CCNJ: variants seen among roughly 807,000 people sequenced by gnomAD.
The protein encoded by CCNJ is cyclin J, also known as cyclin-J.
In CCNJ, 12 loss-of-function variants were observed where a neutral mutation model predicts 41.4. The ratio of observed to expected loss-of-function variants is 0.29; its 90% CI spans 0.19 to 0.47. The LOEUF is 0.47. Ranked by LOEUF, CCNJ falls within the 20% of genes least tolerant of loss-of-function variation. The probability of loss-of-function intolerance (pLI) is 1.00; values close to 1 mark genes in which losing one functional copy is unlikely to be tolerated. For synonymous variants in CCNJ, 161 were observed against 173.4 expected, an observed-to-expected ratio of 0.93 and a Z score of 0.56; for missense variants, 340 against 464.6, an observed-to-expected ratio of 0.73 and a Z score of 2.47.
rs1247207023 is a variant in CCNJ, at chr10:96,058,271, C to T, written c.*30C>T. ...TTGTGAAGCTGATAACCGACCCAGA[C>T]TGCTTTGTGACATGAAGCTATGGGT... is the stretch of plus-strand genomic sequence containing the variant. On this transcript the variant is annotated 3_prime_UTR_variant, in exon 6 of 6. Coordinates refer to ENST00000465148, the MANE Select transcript of CCNJ (RefSeq NM_001134375.2). 2 of 1,584,436 alleles carry T rather than the reference C, an allele frequency of 1.3e-6. No homozygotes were observed. The highest frequency in any genetic ancestry group is 1.7e-6 in the Non-Finnish European group (2 of 1,162,140).
chr10:96,056,822 A>G lies in CCNJ; in HGVS notation c.402A>G (p.Leu134=). ...KQNLLHMELL[L]LETFQWNLCL... Reference sequence around the variant, plus strand: ...ATTTGCTACATATGGAACTATTATTATTAGAAACCTTTCAGTGGAACCTCT... The same window carrying G: ...ATTTGCTACATATGGAACTATTATTGTTAGAAACCTTTCAGTGGAACCTCT... Residue 134 remains leucine, a synonymous_variant, in exon 4 of 6, where the codon TTA becomes TTG. Transcript: ENST00000465148. 6.2e-7 allele frequency: 1 copy of G among 1,614,164 alleles called. No homozygotes were observed. The highest frequency in any genetic ancestry group is 1.1e-5 in the South Asian group (1 of 91,084).
At position 96,050,308 on chromosome 10, in the gene CCNJ, G is replaced by A. The variant is rs1564703433; in HGVS notation, c.122G>A (p.Arg41Gln). The change falls in exon 3 of 6, where the codon CGG becomes CAG. Residue 41 changes from arginine to glutamine, a missense_variant. Coordinates refer to ENST00000465148, the MANE Select transcript of CCNJ (RefSeq NM_001134375.2). The stretch of plus-strand genomic sequence containing the variant: ...CAGTCCCCTCAGTTAAGTCTCAGAC[G>A]GTATTTTGCTGACTTGATTGCCATT... Reference protein sequence around the residue: ...KGQSPQLSLRRYFADLIAIVS... With the variant: ...KGQSPQLSLRQYFADLIAIVS... 1.2e-6 allele frequency: 2 copies of A among 1,614,012 alleles called. No individual in the cohort carries two copies. The highest frequency in any genetic ancestry group is 1.7e-6 in the Non-Finnish European group (2 of 1,179,982).
In CCNJ at chr10:96,043,595, C is replaced by T. The variant is rs1029453349; in HGVS notation, c.-166C>T. ...CTGCCGGTCCTTTAACAATGGGCGG[C>T]GCGAGCGTCCAGGCGCTGGGCTCTA... On this transcript the variant is annotated 5_prime_UTR_variant, in exon 1 of 6. Coordinates refer to ENST00000465148, the MANE Select transcript of CCNJ (RefSeq NM_001134375.2). The T allele has an allele frequency of 5.1e-6, 2 of 395,126 alleles. No individual in the cohort carries two copies. Among genetic ancestry groups the T allele is most frequent in the East Asian group, 7.2e-5 (2 of 27,872 alleles). The allele number at this position is 395,126 out of a possible 1,614,324, so 24.5% of individuals were successfully genotyped here.
intron 3 of CCNJ, among the ~76,000 whole-genome samples, chr10:96,054,368 T>C (rs1042099870): frequency 5.3e-5 from 8 of 152,210 alleles, no homozygotes; most frequent in Admixed American, 2.0e-4. Flanking sequence ...AGGTACTCAA[T>C]TGACATTATC....
In CCNJ at chr10:96,043,645, A is replaced by G. The variant is rs894609126; in HGVS notation, c.-116A>G. ...AGCTGAGGCCGGCGCTTAGCGGCCC[A>G]CTGTCCGCAGCATGAGCGGGGCCGG... On this transcript the variant is annotated 5_prime_UTR_variant, in exon 1 of 6. Coordinates refer to ENST00000465148, the MANE Select transcript of CCNJ (RefSeq NM_001134375.2). 5.1e-6 allele frequency: 2 copies of G among 394,810 alleles called. No individual in the cohort carries two copies. Among genetic ancestry groups the G allele is most frequent in the Non-Finnish European group, 8.9e-6 (2 of 223,522 alleles). The allele number at this position is 394,810 out of a possible 1,614,324, so 24.5% of individuals were successfully genotyped here. A position where few individuals can be genotyped will look rare whatever the true frequency, so the allele number is the denominator to read the frequency against.
In CCNJ at chr10:96,057,013, G is replaced by T; in HGVS notation, c.580+13G>T. 2 of 1,612,968 alleles carry T rather than the reference G, an allele frequency of 1.2e-6. No homozygotes were observed. The highest frequency in any genetic ancestry group is 1.7e-6 in the Non-Finnish European group (2 of 1,179,156). On this transcript the variant is annotated intron_variant, in intron 4 of 5. Coordinates refer to ENST00000465148, the MANE Select transcript of CCNJ (RefSeq NM_001134375.2). ...GTATCTTTGCAAGGTGGGTTGTTGTGAATACCAGTAAGTGACTTGTGCACT... is the reference window on the plus strand; with the variant it reads ...GTATCTTTGCAAGGTGGGTTGTTGTTAATACCAGTAAGTGACTTGTGCACT...
In CCNJ at chr10:96,057,203, C is replaced by G. The variant is rs2080719110; in HGVS notation, c.696C>G (p.Ala232=). The change falls in exon 5 of 6, where the codon GCC becomes GCG. Residue 232 remains alanine (A), a synonymous_variant. Transcript: ENST00000465148. ...TWPTRLHRLT[A]YSWDFLVQCI... is the part of the protein sequence containing the mutation. ...CTACAAGACTACATCGTCTTACTGCCTACTCTTGGGATTTCTTAGTGCAGT... is the reference window on the plus strand; with the variant it reads ...CTACAAGACTACATCGTCTTACTGCGTACTCTTGGGATTTCTTAGTGCAGT... The G allele has an allele frequency of 6.2e-7, 1 of 1,613,812 alleles. No individual in the cohort carries two copies. Among genetic ancestry groups the G allele is most frequent in the African/African-American group, 1.3e-5 (1 of 74,934 alleles).
At chr10:96,048,453 C>T (rs1285205228) in intron 2 of CCNJ, among the ~76,000 whole-genome samples, 1 of 152,170 alleles carries the variant, frequency 6.6e-6, no homozygotes, top group African/African-American at 2.4e-5. Flanking sequence ...GCTGTCATAA[C>T]ATAAAACTTA....
At chr10:96,057,750 G>GT in intron 5 of CCNJ, 80 bp from the exon 6 acceptor site, 1 of 1,343,386 alleles carries the variant, frequency 7.4e-7, no homozygotes. Flanking sequence ...AAGCTGTTGA[G>GT]TTGGGGATGG....
Position 96,056,626 on chromosome 10 carries a change from C to T in CCNJ, c.281-75C>T. On this transcript the variant is annotated intron_variant, in intron 3 of 5. Transcript: ENST00000465148. ...AATCCTGGCAATAAGACAGCAAATC[C>T]CATTTTACTGACTAGACCAATAATG... 7 of 1,081,806 alleles carry T rather than the reference C, an allele frequency of 6.5e-6. No individual in the cohort carries two copies. The South Asian group carries it at 1.1e-4, about 17-fold the overall frequency. 67.0% of individuals were successfully genotyped at this position (1,081,806 alleles called of 1,614,324 possible).
chr10:96,051,405 T>C (rs1053286458), intron 3 of CCNJ, among the ~76,000 whole-genome samples: 1 of 152,238 alleles, frequency 6.6e-6, no homozygotes, highest in African/African-American at 2.4e-5. Flanking sequence ...TCTATATTCA[T>C]GTTATTACAA....
chr10:96,052,696 T>A (rs1004636889), intron 3 of CCNJ, among the ~76,000 whole-genome samples: 29 of 152,216 alleles, frequency 1.9e-4, no homozygotes, highest in African/African-American at 6.8e-4. Context: ...GGATCTGTAT[T>A]TGCTGGGGTT....
chr10:96,043,570 C>G (rs1442471351), upstream of CCNJ: 6 of 394,964 alleles, frequency 1.5e-5, no homozygotes, highest in Non-Finnish European at 2.7e-5. Flanking sequence ...GCGGAGCCGC[C>G]TGCCGGTCCT....
intron 1 of CCNJ, 71 bp downstream of exon 1, chr10:96,043,790 G>A (rs981871371): frequency 5.2e-6 from 2 of 386,706 alleles, no homozygotes; most frequent in African/African-American, 2.1e-5. Flanking sequence ...GACCCTCCCG[G>A]GGTGAGGCGC....
chr10:96,060,040 T>C lies in CCNJ; in HGVS notation c.*1799T>C, dbSNP rs2080784381. The stretch of plus-strand genomic sequence containing the variant: ...GCAGTTTTTAAGCATGAAAATTGTT[T>C]TCTGAAAGTATCATCACTTTTCCTT... On this transcript the variant is annotated 3_prime_UTR_variant, in exon 6 of 6. Transcript: ENST00000465148. 1 of 152,666 alleles carries C rather than the reference T, an allele frequency of 6.6e-6. No individual in the cohort carries two copies. The highest frequency in any genetic ancestry group is 2.4e-5 in the African/African-American group (1 of 41,462). 9.5% of individuals were successfully genotyped at this position (152,666 alleles called of 1,614,324 possible). A position where few individuals can be genotyped will look rare whatever the true frequency, so the allele number is the denominator to read the frequency against.
At position 96,044,471 on chromosome 10, in the gene CCNJ, G is replaced by A. The variant is rs1026861063; in HGVS notation, c.69+9G>A. On this transcript the variant is annotated intron_variant, in intron 2 of 5. Coordinates refer to ENST00000465148, the MANE Select transcript of CCNJ (RefSeq NM_001134375.2). Reference sequence around the variant, plus strand: ...AAGCGCTTCGCTACAAGGTAACTCCGAGGCCCGGCCTGCCTTCTCCTTCTG... The same window carrying A: ...AAGCGCTTCGCTACAAGGTAACTCCAAGGCCCGGCCTGCCTTCTCCTTCTG... 6 of 1,528,208 alleles carry A rather than the reference G, an allele frequency of 3.9e-6. No individual in the cohort carries two copies. The Admixed American group carries it at 7.7e-5, about 20-fold the overall frequency. 94.7% of individuals were successfully genotyped at this position (1,528,208 alleles called of 1,614,324 possible).
chr10:96,046,364 G>A (rs1253875915), intron 2 of CCNJ, among the ~76,000 whole-genome samples: 1 of 152,166 alleles, frequency 6.6e-6, no homozygotes, highest in Non-Finnish European at 1.5e-5. Context: ...TTAAACTTGT[G>A]GAACTGGAGA....
intron 2 of CCNJ, among the ~76,000 whole-genome samples, chr10:96,044,978 C>T (rs1272157939): frequency 2.6e-5 from 4 of 151,984 alleles, no homozygotes; most frequent in Non-Finnish European, 5.9e-5. Context: ...AAGTTAGTAC[C>T]GTACATGTGC....
chr10:96,056,170 G>A (rs936259117), intron 3 of CCNJ, among the ~76,000 whole-genome samples: 10 of 151,998 alleles, frequency 6.6e-5, no homozygotes, highest in African/African-American at 1.7e-4. Context: ...TTAGCCAGGC[G>A]TGGTGGCGGG....
Sources: allele counts gnomAD v4.1 joint callset (sites outside exome capture counted in the v4.1 genomes callset), GRCh38; gene constraint gnomAD v4.1.1; transcripts MANE v1.5; gene names NCBI Gene and HGNC (gene_info 2026-07-23, HGNC 2026-07-21).